Variants in ARHGAP6 observed in about 807,000 individuals in gnomAD.
The protein encoded by ARHGAP6 is rho GTPase-activating protein 6.
In ARHGAP6, 16 loss-of-function variants were observed where a neutral mutation model predicts 55.7. The observed-to-expected ratio is 0.29, with a 90% CI of 0.19 to 0.44. The LOEUF (loss-of-function observed/expected upper bound fraction) is 0.44, where lower values mean the gene tolerates loss of function less well. ARHGAP6 is among the 20% of genes least tolerant of loss of function. ARHGAP6 has a pLI of 1.00. For synonymous variants in ARHGAP6, 382 were observed against 360.9 expected (o/e 1.06, Z -0.66); for missense variants, 698 against 808.9 (o/e 0.86, Z 1.66).
At chrX:11,391,303 G>A (rs1032369877) in intron 1 of ARHGAP6, among the ~76,000 whole-genome samples, 13 of 110,606 alleles carry the variant, frequency 1.2e-4, no homozygotes, top group South Asian at 3.9e-4. Flanking sequence ...ATCACACACC[G>A]GGGCCTGTTG....
intron 1 of ARHGAP6, among the ~76,000 whole-genome samples, chrX:11,348,671 A>G (rs1488711043): frequency 9.0e-6 from 1 of 111,500 alleles, no homozygotes; most frequent in Non-Finnish European, 1.9e-5. Flanking sequence ...TTGTTTTGAG[A>G]CGGGGACTCC....
intron 2 of ARHGAP6, among the ~76,000 whole-genome samples, chrX:11,216,333 G>C (rs1451158640): frequency 8.9e-6 from 1 of 111,775 alleles, no homozygotes; most frequent in Non-Finnish European, 1.9e-5. Flanking sequence ...AGTCAGTTTT[G>C]CCTGTCAGAT....
intron 10 of ARHGAP6, 24 bp from the exon 11 acceptor site, chrX:11,144,272 G>T (rs748993146): frequency 2.6e-5 from 32 of 1,208,179 alleles, no homozygotes; most frequent in Non-Finnish European, 3.2e-5. Context: ...ACAATTACAG[G>T]TGCGTGAGTT....
At chrX:11,275,164 C>T (rs2047741788) in intron 1 of ARHGAP6, among the ~76,000 whole-genome samples, 1 of 111,616 alleles carries the variant, frequency 9.0e-6, no homozygotes, top group Non-Finnish European at 1.9e-5. Flanking sequence ...ACTATCTCTA[C>T]ATCTATGTGT....
intron 1 of ARHGAP6, chrX:11,300,694 CACTTT>C (rs1452760248): frequency 2.1e-6 from 2 of 947,357 alleles, no homozygotes; most frequent in Non-Finnish European, 3.0e-6. Flanking sequence ...TGCTTATAAT[CACTTT>C]ACTTAGCAAA....
At chrX:11,595,646 A>C in intron 1 of ARHGAP6, among the ~76,000 whole-genome samples, 1 of 111,669 alleles carries the variant, frequency 9.0e-6, no homozygotes, top group Non-Finnish European at 1.9e-5. Flanking sequence ...GGCAACCTAC[A>C]GAATGGGAGA....
At chrX:11,598,140 G>A (rs1054909235) in intron 1 of ARHGAP6, among the ~76,000 whole-genome samples, 4 of 111,201 alleles carry the variant, frequency 3.6e-5, no homozygotes, top group Non-Finnish European at 7.5e-5. Context: ...TTGGATGTAG[G>A]GTGGGCACAT....
At chrX:11,401,357 G>A (rs2049546646) in intron 1 of ARHGAP6, among the ~76,000 whole-genome samples, 1 of 111,750 alleles carries the variant, frequency 8.9e-6, no homozygotes, top group East Asian at 2.8e-4. Flanking sequence ...AGTCACAAAT[G>A]ATGAAAGACA....
intron 10 of ARHGAP6, among the ~76,000 whole-genome samples, chrX:11,146,397 G>C (rs1004724166): frequency 5.4e-5 from 6 of 111,626 alleles, no homozygotes; most frequent in African/African-American, 2.0e-4. Flanking sequence ...GTAGACACAG[G>C]CTCTGAACCT....
chrX:11,141,214 T>G (rs1198268859), intron 12 of ARHGAP6, among the ~76,000 whole-genome samples: 4 of 111,796 alleles, frequency 3.6e-5, no homozygotes, highest in African/African-American at 1.3e-4. Flanking sequence ...ATATATAACA[T>G]GTATTCCAGA....
chrX:11,172,184 C>A (rs987254052), intron 8 of ARHGAP6, among the ~76,000 whole-genome samples: 1 of 111,120 alleles, frequency 9.0e-6, no homozygotes, highest in Non-Finnish European at 1.9e-5. Context: ...GCTTGGTACA[C>A]GAGTTGTATT....
chrX:11,206,840 A>G (rs1029012507), intron 2 of ARHGAP6, among the ~76,000 whole-genome samples: 1 of 111,493 alleles, frequency 9.0e-6, no homozygotes, highest in African/African-American at 3.3e-5. Flanking sequence ...GATTTTGCAT[A>G]CATTTTAAAT....
intron 1 of ARHGAP6, among the ~76,000 whole-genome samples, chrX:11,426,341 C>A (rs1418944255): frequency 9.3e-6 from 1 of 108,026 alleles, no homozygotes; most frequent in Non-Finnish European, 1.9e-5. Flanking sequence ...CACCTCTACT[C>A]CTTTCTTCAA....
At chrX:11,531,560 T>A (rs3935561) in intron 1 of ARHGAP6, among the ~76,000 whole-genome samples, 11,180 of 110,419 alleles carry the variant, frequency 0.1, 737 homozygotes, top group African/African-American at 0.22. Context: ...TAAACTTTTC[T>A]TTCATGTTTG....
chrX:11,635,212 G>C (rs781598237), intron 1 of ARHGAP6, among the ~76,000 whole-genome samples: 87 of 112,108 alleles, frequency 7.8e-4, no homozygotes, highest in Middle Eastern at 4.6e-3. Flanking sequence ...TTATAAGCAA[G>C]TTATACGGAG....
At chrX:11,359,936 C>A in intron 1 of ARHGAP6, among the ~76,000 whole-genome samples, 1 of 111,661 alleles carries the variant, frequency 9.0e-6, no homozygotes, top group East Asian at 2.8e-4. Context: ...AACACATACA[C>A]CCTCCCAAGA....
intron 3 of ARHGAP6, 152 bp from the exon 4 acceptor site, chrX:11,189,136 A>T (rs1378939975): frequency 4.5e-6 from 3 of 663,007 alleles, no homozygotes; most frequent in Non-Finnish European, 6.5e-6. Flanking sequence ...ATTTGTGTTA[A>T]TCAGAATGGC....
chrX:11,440,795 G>T (rs1231189220), intron 1 of ARHGAP6, among the ~76,000 whole-genome samples: 3 of 112,070 alleles, frequency 2.7e-5, no homozygotes, highest in African/African-American at 9.7e-5. Context: ...CAGGAGATGA[G>T]AACAATCAGC....
At chrX:11,601,874 G>A (rs1012127387) in intron 1 of ARHGAP6, among the ~76,000 whole-genome samples, 6 of 111,472 alleles carry the variant, frequency 5.4e-5, no homozygotes, top group Admixed American at 9.6e-5. Flanking sequence ...ACATCTGAAG[G>A]ACAACCACAG....
Sources: allele counts gnomAD v4.1 joint callset (sites outside exome capture counted in the v4.1 genomes callset), GRCh38; gene constraint gnomAD v4.1.1; transcripts MANE v1.5; gene names NCBI Gene and HGNC (gene_info 2026-07-23, HGNC 2026-07-21).